Variants in NEBL observed in about 807,000 individuals in gnomAD.
NEBL encodes the protein LIM and SH3 protein 2.
Under a neutral mutation model 140.2 loss-of-function variants are expected in NEBL, and 122 were observed. That is an observed-to-expected ratio of 0.87 (90% CI 0.75 to 1.01). The LOEUF (loss-of-function observed/expected upper bound fraction) is 1.01. Ranked by LOEUF, NEBL falls within the 50% of genes least tolerant of loss-of-function variation. The pLI is 0.00. For synonymous variants in NEBL, 436 were observed against 398.9 expected, an observed-to-expected ratio of 1.09 and a Z score of -1.11; for missense variants, 1,365 against 1,231.3, an observed-to-expected ratio of 1.11 and a Z score of -1.62.
intron 17 of NEBL, among the ~76,000 whole-genome samples, 171 bp downstream of exon 17, chr10:20,828,359 A>T (rs12570186): frequency 1.3e-5 from 2 of 152,266 alleles, no homozygotes; most frequent in East Asian, 3.9e-4. Context: ...ATGAAAAATG[A>T]TAATTTGTAA....
At chr10:20,849,251 A>AC (rs1388726460) in intron 11 of NEBL, among the ~76,000 whole-genome samples, 12 of 152,184 alleles carry the variant, frequency 7.9e-5, no homozygotes, top group African/African-American at 2.9e-4. Flanking sequence ...GCTGGAACAG[A>AC]GAAAAAAAAA....
intron 3 of NEBL, among the ~76,000 whole-genome samples, chr10:21,008,992 G>A (rs1589132339): frequency 1.3e-5 from 2 of 151,822 alleles, no homozygotes; most frequent in South Asian, 4.2e-4. Context: ...ACATTAAGTG[G>A]TATTCCTATG....
chr10:21,273,910 A>T (rs540245893), intron 1 of NEBL, among the ~76,000 whole-genome samples: 1 of 152,292 alleles, frequency 6.6e-6, no homozygotes, highest in African/African-American at 2.4e-5. Flanking sequence ...TCCTGCTCAC[A>T]TTCCCTCTGC....
At chr10:20,934,172 A>G (rs1402846718) in intron 4 of NEBL, among the ~76,000 whole-genome samples, 1 of 152,192 alleles carries the variant, frequency 6.6e-6, no homozygotes, top group Non-Finnish European at 1.5e-5. Context: ...AGACAGGTCT[A>G]CGGTCAAAAC....
chr10:21,107,628 T>G (rs1378881260), intron 2 of NEBL, among the ~76,000 whole-genome samples: 2 of 152,230 alleles, frequency 1.3e-5, no homozygotes, highest in African/African-American at 4.8e-5. Flanking sequence ...CCTAAAATTC[T>G]CTTTTTTTGT....
intron 1 of NEBL, among the ~76,000 whole-genome samples, chr10:21,259,099 C>G (rs372813200): frequency 1.4e-5 from 2 of 146,110 alleles, no homozygotes; most frequent in African/African-American, 5.1e-5. Context: ...GCTTTTTTGT[C>G]TTTTTTGAGA....
intron 1 of NEBL, among the ~76,000 whole-genome samples, chr10:21,266,231 T>A (rs1285972705): frequency 6.6e-6 from 1 of 152,136 alleles, no homozygotes; most frequent in Admixed American, 6.5e-5. Context: ...AACCTCTGCC[T>A]CCCAGACTCA....
At chr10:20,809,781 G>A (rs1407041629) in intron 25 of NEBL, 25 bp downstream of exon 25, 1 of 1,502,048 alleles carries the variant, frequency 6.7e-7, no homozygotes, top group Admixed American at 1.7e-5. Context: ...CACATAAATG[G>A]GATGAACTAA....
Position 20,860,561 on chromosome 10 carries a change from C to CAAAAAAAAAAAA in NEBL, c.685-736_685-735insTTTTTTTTTTTT. ...TTAGAATATAAACACAAGTTCACTA[C>CAAAAAAAAAAAA]AAAAAGAAAAAAAAAAAAAAAAAAA... is the stretch of plus-strand genomic sequence containing the variant. On this transcript the variant is annotated intron_variant, in intron 7 of 27. Transcript: ENST00000377122. Among the ~76,000 whole-genome samples the CAAAAAAAAAAAA allele has an allele frequency of 3.2e-5, 2 of 61,944 alleles. 1 individual carries two copies. Among genetic ancestry groups the CAAAAAAAAAAAA allele is most frequent in the Middle Eastern group, 0.037 (2 of 54 alleles). 40.6% of individuals were successfully genotyped at this position (61,944 alleles called of 152,430 possible).
intron 3 of NEBL, among the ~76,000 whole-genome samples, chr10:20,973,730 C>T (rs1046952722): frequency 6.6e-6 from 1 of 152,220 alleles, no homozygotes; most frequent in Non-Finnish European, 1.5e-5. Context: ...TTGGCCTAAG[C>T]CAGTCCAAGT....
chr10:21,187,605 C>G (rs1380283548), intron 3 of NEBL, among the ~76,000 whole-genome samples: 1 of 152,056 alleles, frequency 6.6e-6, no homozygotes, highest in Non-Finnish European at 1.5e-5. Context: ...CCTCAACCTC[C>G]CAGGCTCAAG....
intron 26 of NEBL, among the ~76,000 whole-genome samples, chr10:20,798,456 G>C (rs976959893): frequency 4.6e-5 from 7 of 152,174 alleles, no homozygotes; most frequent in African/African-American, 1.7e-4. Context: ...TTGCACATGA[G>C]ACAGACAGGT....
chr10:21,227,702 TTC>T (rs765804884), intron 3 of NEBL, among the ~76,000 whole-genome samples: 468 of 67,818 alleles, frequency 6.9e-3, no homozygotes, highest in Middle Eastern at 0.014. Context: ...CTTCTTCTTC[TTC>T]TTCTTCTTTC....
intron 2 of NEBL, among the ~76,000 whole-genome samples, chr10:21,153,329 A>T (rs1840212825): frequency 6.6e-6 from 1 of 150,814 alleles, no homozygotes; most frequent in South Asian, 2.1e-4. Flanking sequence ...TTATAAATTA[A>T]TTTTTTTTTA....
At chr10:20,943,572 TAA>T (rs1835007386) in intron 4 of NEBL, among the ~76,000 whole-genome samples, 1 of 152,016 alleles carries the variant, frequency 6.6e-6, no homozygotes, top group African/African-American at 2.4e-5. Context: ...ACATGTACCC[TAA>T]AAGTTAAAGT....
At chr10:21,001,070 A>G (rs974588611) in intron 3 of NEBL, among the ~76,000 whole-genome samples, 1 of 152,148 alleles carries the variant, frequency 6.6e-6, no homozygotes, top group African/African-American at 2.4e-5. Flanking sequence ...ATGAGCTTGT[A>G]TAGATCCTCC....
chr10:21,113,155 A>C (rs1204922272), intron 2 of NEBL: 3 of 291,986 alleles, frequency 1.0e-5, no homozygotes, highest in African/African-American at 7.0e-5. Context: ...GGAGATTTTG[A>C]TGATGAGGAA....
intron 4 of NEBL, among the ~76,000 whole-genome samples, chr10:20,935,543 T>C (rs1362277714): frequency 6.6e-6 from 1 of 152,192 alleles, no homozygotes; most frequent in East Asian, 1.9e-4. Context: ...GCAGATCTCC[T>C]CCTTTGCAAG....
chr10:21,211,747 T>C (rs1192252263), intron 3 of NEBL, among the ~76,000 whole-genome samples: 1 of 152,160 alleles, frequency 6.6e-6, no homozygotes, highest in East Asian at 1.9e-4. Flanking sequence ...GTCAATGAAG[T>C]TGGCCATTGC....
Sources: allele counts gnomAD v4.1 joint callset (sites outside exome capture counted in the v4.1 genomes callset), GRCh38; gene constraint gnomAD v4.1.1; transcripts MANE v1.5; gene names NCBI Gene and HGNC (gene_info 2026-07-23, HGNC 2026-07-21).